Variants in ALDH7A1 observed in about 807,000 individuals in gnomAD.
ALDH7A1 encodes aldehyde dehydrogenase 7 family member A1.
A neutral mutation model predicts 79.9 loss-of-function variants in ALDH7A1; 63 were observed. The ratio of observed to expected loss-of-function variants is 0.79; its 90% confidence interval spans 0.64 to 0.97. The LOEUF (loss-of-function observed/expected upper bound fraction) is 0.97, where lower values mean the gene tolerates loss of function less well. Among genes scored for constraint, ALDH7A1 ranks in the 50% least tolerant of loss-of-function variants. The pLI, the probability that ALDH7A1 is intolerant of heterozygous loss-of-function variation, is 0.00. For missense variants in ALDH7A1, 627 were observed against 665.2 expected (o/e 0.94, Z 0.63); for synonymous variants, 240 against 231.2 (o/e 1.04, Z -0.34).
chr5:126,544,231 T>A lies in ALDH7A1; in HGVS notation c.*734A>T, dbSNP rs954722043. On this transcript the variant is annotated 3_prime_UTR_variant, in exon 18 of 18. Transcript: ENST00000409134. Reference sequence around the variant, plus strand: ...GCCTCGGCCTCTCAAAGTGCTGGGATTATAGGCGTAAGCCACCTTGCCCAG... The same window carrying A: ...GCCTCGGCCTCTCAAAGTGCTGGGAATATAGGCGTAAGCCACCTTGCCCAG... 6.6e-6 allele frequency: 1 copy of A among 152,668 alleles called. No individual in the cohort carries two copies. The highest frequency in any genetic ancestry group is 6.5e-5 in the Admixed American group (1 of 15,320). The allele number at this position is 152,668 out of a possible 1,614,324, so 9.5% of individuals were successfully genotyped here. A position where few individuals can be genotyped will look rare whatever the true frequency, so the allele number is the denominator to read the frequency against.
intron 10 of ALDH7A1, among the ~76,000 whole-genome samples, chr5:126,560,777 T>C (rs1457008069): frequency 1.3e-5 from 2 of 152,114 alleles, no homozygotes; most frequent in African/African-American, 2.4e-5. Flanking sequence ...GTGGCCAGTT[T>C]TCAGCAAACA....
rs886059836 is a variant in ALDH7A1 at position 126,542,381 on chromosome 5, G to A, written c.*2584C>T. 2 of 152,226 alleles carry A rather than the reference G, an allele frequency of 1.3e-5. No individual in the cohort carries two copies. Among genetic ancestry groups the A allele is most frequent in the Admixed American group, 1.3e-4 (2 of 15,242 alleles). 9.4% of individuals were successfully genotyped at this position (152,226 alleles called of 1,614,324 possible). A position where few individuals can be genotyped will look rare whatever the true frequency, so the allele number is the denominator to read the frequency against. Reference sequence around the variant, plus strand: ...AGAATGCCACAGAGAATTTTCCACAGAGCTGGGCATGGTGGCACACTCCTG... The same window carrying A: ...AGAATGCCACAGAGAATTTTCCACAAAGCTGGGCATGGTGGCACACTCCTG... On this transcript the variant is annotated 3_prime_UTR_variant, in exon 18 of 18. Coordinates refer to ENST00000409134, the MANE Select transcript of ALDH7A1 (RefSeq NM_001182.5).
chr5:126,545,146 G>A, intron 17 of ALDH7A1, 127 bp from the exon 18 acceptor site: 1 of 716,388 alleles, frequency 1.4e-6, no homozygotes, highest in Non-Finnish European at 2.5e-6. Context: ...AACTTTTTAA[G>A]ACAAACCTTT....
chr5:126,551,378 G>A lies in ALDH7A1; in HGVS notation c.1317+643C>T, dbSNP rs186688452. On this transcript the variant is annotated intron_variant, in intron 14 of 17. Coordinates refer to ENST00000409134, the MANE Select transcript of ALDH7A1 (RefSeq NM_001182.5). ...TGCCCAGGCTGGAGTGCAATGGTGC[G>A]ATCTCGGCTCACTGCAACCTCAGCC... Among the ~76,000 whole-genome samples the A allele has an allele frequency of 5.9e-5, 9 of 151,488 alleles. No homozygotes were observed. In the South Asian group the frequency reaches 1.7e-3, roughly 28 times the overall value.
chr5:126,550,161 A>G, intron 15 of ALDH7A1, 35 bp downstream of exon 15: 1 of 1,593,458 alleles, frequency 6.3e-7, no homozygotes, highest in Non-Finnish European at 8.6e-7. Context: ...CATAAATCAG[A>G]CTTATATAAA....
At chr5:126,574,638 T>A (rs950731092) in intron 7 of ALDH7A1, among the ~76,000 whole-genome samples, 3 of 151,536 alleles carry the variant, frequency 2.0e-5, no homozygotes, top group Non-Finnish European at 4.4e-5. Flanking sequence ...GAGCTTGCAG[T>A]GAGCCGAGAT....
At chr5:126,575,494 A>G in intron 6 of ALDH7A1, 30 bp from the exon 7 acceptor site, 1 of 1,593,590 alleles carries the variant, frequency 6.3e-7, no homozygotes, top group Non-Finnish European at 8.6e-7. Context: ...AAAAAGAAAA[A>G]GAAAAACTTA....
intron 7 of ALDH7A1, among the ~76,000 whole-genome samples, chr5:126,574,853 C>G (rs1209645292): frequency 1.3e-5 from 2 of 152,110 alleles, no homozygotes; most frequent in Non-Finnish European, 2.9e-5. Context: ...GGAAGGCACC[C>G]TAACTCTATA....
intron 6 of ALDH7A1, among the ~76,000 whole-genome samples, chr5:126,576,140 G>T (rs1296812197): frequency 6.6e-6 from 1 of 151,868 alleles, no homozygotes; most frequent in Non-Finnish European, 1.5e-5. Context: ...GCAGACGCCT[G>T]TAGTCCCAGC....
intron 5 of ALDH7A1, among the ~76,000 whole-genome samples, chr5:126,579,144 T>A (rs1284326627): frequency 6.6e-6 from 1 of 152,194 alleles, no homozygotes; most frequent in Non-Finnish European, 1.5e-5. Flanking sequence ...TCAGACAAAA[T>A]CTCTTCCCGA....
At chr5:126,591,225 G>A (rs900551022) in intron 3 of ALDH7A1, among the ~76,000 whole-genome samples, 28 of 152,060 alleles carry the variant, frequency 1.8e-4, no homozygotes, top group African/African-American at 6.3e-4. Flanking sequence ...ATCCAGGTAG[G>A]GTGAACTTTA....
intron 7 of ALDH7A1, among the ~76,000 whole-genome samples, chr5:126,574,597 A>G (rs1750902138): frequency 6.6e-6 from 1 of 151,880 alleles, no homozygotes; most frequent in South Asian, 2.1e-4. Flanking sequence ...CGGGAGGCTG[A>G]GGCAGGAGAA....
chr5:126,570,589 C>T (rs1750738102), intron 8 of ALDH7A1, 193 bp downstream of exon 8: 2 of 629,348 alleles, frequency 3.2e-6, no homozygotes, highest in Admixed American at 2.6e-5. Flanking sequence ...ATTAAAAAGA[C>T]AATTCTTATT....
At chr5:126,572,532 T>C (rs1750810932) in intron 7 of ALDH7A1, among the ~76,000 whole-genome samples, 1 of 152,238 alleles carries the variant, frequency 6.6e-6, no homozygotes, top group African/African-American at 2.4e-5. Context: ...TGTCAGAGTG[T>C]CATCAATGTT....
chr5:126,580,080 G>A (rs1751120329), intron 5 of ALDH7A1: 2 of 167,506 alleles, frequency 1.2e-5, no homozygotes, highest in Non-Finnish European at 2.9e-5. Flanking sequence ...CAAATTGGAG[G>A]TTTATTGACT....
chr5:126,561,227 AATT>A (rs1750393856), intron 9 of ALDH7A1, 103 bp from the exon 10 acceptor site: 2 of 892,604 alleles, frequency 2.2e-6, no homozygotes, highest in Admixed American at 2.8e-5. Flanking sequence ...TAGCCTGTCC[AATT>A]ATTTTTTATA....
intron 9 of ALDH7A1, chr5:126,562,309 T>G (rs1360641205): frequency 6.6e-6 from 1 of 150,850 alleles, no homozygotes; most frequent in African/African-American, 2.4e-5. Context: ...CTCAAGCAAT[T>G]CCCCCATCTC....
chr5:126,546,371 C>A lies in ALDH7A1; in HGVS notation c.1518G>T (p.Arg506Ser). The change falls in exon 17 of 18, where the codon AGG becomes AGT. Residue 506 changes from arginine to serine, a missense_variant. Physicochemically the swap from Arg to Ser is moderately radical, Grantham distance 110 (BLOSUM62 -1). Transcript: ENST00000409134. ...GTTTCCAGGCATCACTGCCAGACTC[C>A]CTGCCACCACCAGTGTGCTTTTCTC... ...FGGEKHTGGG[R>S]ESGSDAWKQY... 6.2e-7 allele frequency: 1 copy of A among 1,614,182 alleles called. No individual in the cohort carries two copies. Among genetic ancestry groups the A allele is most frequent in the South Asian group, 1.1e-5 (1 of 91,080 alleles).
chr5:126,559,713 G>A (rs1269581191), intron 10 of ALDH7A1, among the ~76,000 whole-genome samples: 2 of 152,074 alleles, frequency 1.3e-5, no homozygotes, highest in African/African-American at 2.4e-5. Context: ...GATTACAGGC[G>A]TGAGCCACTG....
Sources: gnomAD v4.1 joint callset for allele counts (sites outside exome capture counted in the v4.1 genomes callset) on GRCh38, gnomAD v4.1.1 for gene constraint, MANE v1.5 for transcripts, NCBI Gene and HGNC (gene_info 2026-07-23, HGNC 2026-07-21) for gene names.